The following CD7 variants were observed in gnomAD, a reference collection of about 807,000 sequenced individuals.
CD7 encodes CD7 molecule.
CD7 carries 19 observed loss-of-function variants against 17.6 expected under a neutral mutation model. That is an observed-to-expected ratio of 1.08 (90% CI 0.75 to 1.58). The LOEUF is 1.58. CD7 is among the 40% of genes most tolerant of loss of function. The pLI is 0.00. For missense variants in CD7, 291 were observed against 327.1 expected (o/e 0.89, Z 0.85); for synonymous variants, 160 against 159.8 (o/e 1.00, Z -0.01).
In CD7 at chr17:82,314,972, T is replaced by G. The variant is rs2051993869; in HGVS notation, c.*349A>C. On this transcript the variant is annotated 3_prime_UTR_variant, in exon 4 of 4. Transcript: ENST00000312648. This position sits in a 1 kb window ranked among gnomAD's most constrained non-coding sequence, Gnocchi z 6.0. The stretch of plus-strand genomic sequence containing the variant: ...TGGGGGTTGGGGGCCTGCTGGTGGG[T>G]GGGCCGGCACTGACAGGAGAGGGCC... 2 of 247,796 alleles carry G rather than the reference T, an allele frequency of 8.1e-6. No individual in the cohort carries two copies. Among genetic ancestry groups the G allele is most frequent in the African/African-American group, 2.2e-5 (1 of 45,064 alleles). The allele number at this position is 247,796 out of a possible 1,614,324, so 15.3% of individuals were successfully genotyped here.
Position 82,316,418 on chromosome 17 carries a change from G to A in CD7, c.398-9C>T, listed in dbSNP as rs2052016519. 2.6e-6 allele frequency: 4 copies of A among 1,548,422 alleles called. No individual in the cohort carries two copies. The South Asian group carries it at 4.8e-5, about 19-fold the overall frequency. On this transcript the variant is annotated splice_polypyrimidine_tract_variant and intron_variant, in intron 2 of 3. Coordinates refer to ENST00000312648, the MANE Select transcript of CD7 (RefSeq NM_006137.7). ...TCCTTGGGACTGTTCCTCTGAGAAG[G>A]AAAAAAGAAGGAAGGGATTCTCCCG...
In CD7 at chr17:82,316,947, G is replaced by A. The variant is rs151223825; in HGVS notation, c.117C>T (p.Pro39=). 65 of 1,603,796 alleles carry A rather than the reference G, an allele frequency of 4.1e-5. No homozygotes were observed. The African/African-American group carries it at 6.8e-4, about 17-fold the overall frequency. Residue 39 remains proline (P), a synonymous_variant, in exon 2 of 4, where the codon CCC becomes CCT. Coordinates refer to ENST00000312648, the MANE Select transcript of CD7 (RefSeq NM_006137.7). Reference sequence around the variant, plus strand: ...AGGTGATGTTGACGGAGGCTCCCACGGGGACAGTCGTGCAGTGGGGAGACT... The same window carrying A: ...AGGTGATGTTGACGGAGGCTCCCACAGGGACAGTCGTGCAGTGGGGAGACT... ...VQQSPHCTTV[P]VGASVNITCS...
intron 3 of CD7, chr17:82,315,847 C>T (rs2052006242): frequency 6.7e-6 from 4 of 598,636 alleles, no homozygotes; most frequent in Admixed American, 3.0e-5. Flanking sequence ...AGGCTCACAC[C>T]TGCACACGTG....
At position 82,315,247 on chromosome 17, in the gene CD7, G is replaced by A; in HGVS notation, c.*74C>T. ...GGAGGACAGCAGGGTGAGGGGTGTG[G>A]CAGGGTGGGGGGCATGGTGGGGCAG... On this transcript the variant is annotated 3_prime_UTR_variant, in exon 4 of 4. Transcript: ENST00000312648. 4.8e-6 allele frequency: 4 copies of A among 837,148 alleles called. No homozygotes were observed. Among genetic ancestry groups the A allele is most frequent in the Non-Finnish European group, 7.5e-6 (4 of 535,970 alleles). The allele number at this position is 837,148 out of a possible 1,614,324, so 51.9% of individuals were successfully genotyped here.
chr17:82,316,653 G>T lies in CD7; in HGVS notation c.397+14C>A, dbSNP rs755102261. Reference sequence around the variant, plus strand: ...GGGGTTGGGAGGGGGGTCTGGGATGGGCACATTCCCTACCTGTCACCAGGA... The same window carrying T: ...GGGGTTGGGAGGGGGGTCTGGGATGTGCACATTCCCTACCTGTCACCAGGA... On this transcript the variant is annotated intron_variant, in intron 2 of 3. Coordinates refer to ENST00000312648, the MANE Select transcript of CD7 (RefSeq NM_006137.7). 1.4e-5 allele frequency: 22 copies of T among 1,606,590 alleles called. No homozygotes were observed. In the South Asian group the frequency reaches 2.4e-4, roughly 18 times the overall value.
At position 82,316,811 on chromosome 17, in the gene CD7, G is replaced by T. The variant is rs533170626; in HGVS notation, c.253C>A (p.Arg85=). 14 of 1,613,988 alleles carry T rather than the reference G, an allele frequency of 8.7e-6. No homozygotes were observed. Among genetic ancestry groups the T allele is most frequent in the Non-Finnish European group, 1.2e-5 (14 of 1,179,988 alleles). Residue 85 remains arginine (R), a synonymous_variant, in exon 2 of 4, where the codon CGG becomes AGG. Coordinates refer to ENST00000312648, the MANE Select transcript of CD7 (RefSeq NM_006137.7). Reference sequence around the variant, plus strand: ...GACCCTGAGAAGTCGATGCGGCCCCGGAACCGTCTGTCCGTAGTGGGCACC... The same window carrying T: ...GACCCTGAGAAGTCGATGCGGCCCCTGAACCGTCTGTCCGTAGTGGGCACC... ...GVVPTTDRRF[R]GRIDFSGSQD...
At chr17:82,316,480 C>T (rs1468649377) in intron 2 of CD7, 71 bp from the exon 3 acceptor site, 21 of 1,406,264 alleles carry the variant, frequency 1.5e-5, no homozygotes, top group South Asian at 7.8e-5. Flanking sequence ...GTTTGGGATT[C>T]GGGGCAGGGA....
chr17:82,314,987 A>G lies in CD7; in HGVS notation c.*334T>C. On this transcript the variant is annotated 3_prime_UTR_variant, in exon 4 of 4. Coordinates refer to ENST00000312648, the MANE Select transcript of CD7 (RefSeq NM_006137.7). This position sits in a 1 kb window ranked among gnomAD's most constrained non-coding sequence, Gnocchi z 6.0. ...TGCTGGTGGGTGGGCCGGCACTGACAGGAGAGGGCCGCGTGCCCAGGCCCA... is the reference window on the plus strand; with the variant it reads ...TGCTGGTGGGTGGGCCGGCACTGACGGGAGAGGGCCGCGTGCCCAGGCCCA... 3.5e-6 allele frequency: 1 copy of G among 289,204 alleles called. No individual in the cohort carries two copies. The highest frequency in any genetic ancestry group is 4.2e-5 in the Admixed American group (1 of 23,834). 17.9% of individuals were successfully genotyped at this position (289,204 alleles called of 1,614,324 possible). A position where few individuals can be genotyped will look rare whatever the true frequency, so the allele number is the denominator to read the frequency against.
intron 3 of CD7, 116 bp from the exon 4 acceptor site, chr17:82,315,547 G>A: frequency 2.6e-6 from 2 of 770,516 alleles, no homozygotes; most frequent in South Asian, 1.6e-5. Context: ...CCTCTGGGCT[G>A]GCCCCCAGGT....
chr17:82,315,960 C>CGCGCACAT, intron 3 of CD7: 1 of 637,788 alleles, frequency 1.6e-6, no homozygotes. Flanking sequence ...CACCTGCACA[C>CGCGCACAT]GCGCACACGC....
At chr17:82,315,468 G>T in intron 3 of CD7, 37 bp from the exon 4 acceptor site, 2 of 1,533,868 alleles carry the variant, frequency 1.3e-6, no homozygotes, top group Non-Finnish European at 1.8e-6. Context: ...CCAGTGGCCA[G>T]CGTGGTGTCC....
Position 82,315,133 on chromosome 17 carries a change from A to T in CD7, c.*188T>A. 1.8e-6 allele frequency: 1 copy of T among 557,496 alleles called. No homozygotes were observed. The highest frequency in any genetic ancestry group is 3.3e-6 in the Non-Finnish European group (1 of 307,048). 34.5% of individuals were successfully genotyped at this position (557,496 alleles called of 1,614,324 possible). A position where few individuals can be genotyped will look rare whatever the true frequency, so the allele number is the denominator to read the frequency against. On this transcript the variant is annotated 3_prime_UTR_variant, in exon 4 of 4. Transcript: ENST00000312648. ...CTTCCCGGAGGAGGCATCATTGTCC[A>T]CTGAGAAGCACCGTGGGGCCTGGCC...
intron 3 of CD7, chr17:82,315,925 TCA>T: frequency 3.3e-6 from 2 of 611,806 alleles, no homozygotes; most frequent in Non-Finnish European, 2.9e-6. Context: ...CGCACAGACC[TCA>T]GAGATCCCCC....
intron 1 of CD7, 183 bp downstream of exon 1, chr17:82,317,231 C>G: frequency 1.4e-6 from 1 of 695,914 alleles, no homozygotes; most frequent in Non-Finnish European, 2.4e-6. Context: ...TGGACAGCCC[C>G]GGCCACTCCC....
rs1012827714 is a variant in CD7 at position 82,316,987 on chromosome 17, G to A, written c.83-6C>T. The A allele has an allele frequency of 3.2e-6, 5 of 1,575,668 alleles. No individual in the cohort carries two copies. In the East Asian group the frequency reaches 9.0e-5, roughly 28 times the overall value. ...GTGGGGAGACTGCTGCACCTCTGGG[G>A]AGGACCTGGGCTGTCACCATCAGTC... On this transcript the variant is annotated splice_polypyrimidine_tract_variant and splice_region_variant and intron_variant, in intron 1 of 3. Coordinates refer to ENST00000312648, the MANE Select transcript of CD7 (RefSeq NM_006137.7).
intron 3 of CD7, 81 bp from the exon 4 acceptor site, chr17:82,315,512 T>G (rs2052001262): frequency 8.9e-7 from 1 of 1,117,390 alleles, no homozygotes; most frequent in African/African-American, 1.5e-5. Flanking sequence ...GCTTTCTAAT[T>G]TTAACACGAG....
At position 82,316,690 on chromosome 17, in the gene CD7, G is replaced by C; in HGVS notation, c.374C>G (p.Ser125Cys). Residue 125 changes from serine (S) to cysteine (C), a missense_variant, in exon 2 of 4, where the codon TCC (serine) becomes TGC (cysteine). Ser to Cys is a moderately radical substitution (Grantham distance 112). Coordinates refer to ENST00000312648, the MANE Select transcript of CD7 (RefSeq NM_006137.7). ...QAITEVNVYGSGTLVLVTEEQ... is the reference protein window; with the variant it reads ...QAITEVNVYGCGTLVLVTEEQ... ...ACCTGTCACCAGGACCAGGGTGCCG[G>C]AGCCGTAGACATTGACCTCCGTGAT... is the stretch of plus-strand genomic sequence containing the variant. 6.2e-7 allele frequency: 1 copy of C among 1,612,780 alleles called. No homozygotes were observed. Among genetic ancestry groups the C allele is most frequent in the Non-Finnish European group, 8.5e-7 (1 of 1,180,008 alleles).
Position 82,315,449 on chromosome 17 carries a change from C to G in CD7, c.613-18G>C. The stretch of plus-strand genomic sequence containing the variant: ...TTCTTTATCTGAAAGACAGAACCGC[C>G]GTCTCCAACCAGTGGCCAGCGTGGT... On this transcript the variant is annotated intron_variant, in intron 3 of 3. Transcript: ENST00000312648. 6.3e-7 allele frequency: 1 copy of G among 1,599,120 alleles called. No homozygotes were observed. The highest frequency in any genetic ancestry group is 8.6e-7 in the Non-Finnish European group (1 of 1,166,790).
At position 82,315,502 on chromosome 17, in the gene CD7, G is replaced by A. The variant is rs765935524; in HGVS notation, c.613-71C>T. ...CCTGGACCCCACCCCACTCCGGTCA[G>A]CTTTCTAATTTTAACACGAGACCCC... On this transcript the variant is annotated intron_variant, in intron 3 of 3. Coordinates refer to ENST00000312648, the MANE Select transcript of CD7 (RefSeq NM_006137.7). 77 of 1,236,380 alleles carry A rather than the reference G, an allele frequency of 6.2e-5. No homozygotes were observed. In the Admixed American group the frequency reaches 8.4e-4, roughly 14 times the overall value. The allele number at this position is 1,236,380 out of a possible 1,614,324, so 76.6% of individuals were successfully genotyped here.
Sources: allele counts gnomAD v4.1 joint callset, GRCh38; gene constraint gnomAD v4.1.1; non-coding constraint Gnocchi (gnomAD v3.1); transcripts MANE v1.5; gene names NCBI Gene and HGNC (gene_info 2026-07-23, HGNC 2026-07-21).